BSN: variants seen among roughly 807,000 people sequenced by gnomAD.
The protein encoded by BSN is protein bassoon.
A neutral mutation model predicts 264.8 loss-of-function variants in BSN; 57 were observed. The ratio of observed to expected loss-of-function variants is 0.22; its 90% CI spans 0.17 to 0.27. BSN has a LOEUF of 0.27. Among genes scored for constraint, BSN ranks in the 10% least tolerant of loss-of-function variants. The pLI, the probability that BSN is intolerant of heterozygous loss-of-function variation, is 1.00. For missense variants in BSN, 4,615 were observed against 5,232.5 expected, an observed-to-expected ratio of 0.88 and a Z score of 3.64; for synonymous variants, 2,059 against 2,137.3, an observed-to-expected ratio of 0.96 and a Z score of 1.01.
chr3:49,652,470 G>A lies in BSN; in HGVS notation c.2914G>A (p.Glu972Lys). 2 of 1,613,824 alleles carry A rather than the reference G, an allele frequency of 1.2e-6. No homozygotes were observed. The highest frequency in any genetic ancestry group is 1.7e-6 in the Non-Finnish European group (2 of 1,180,002). ...LEMESLTGSP[E>K]DRSRGEHSST... ...GATGGAGAGCCTAACGGGCTCCCCT[G>A]AGGACCGCTCCCGTGGTGAGCACTC... The change falls in exon 5 of 12, where the codon GAG becomes AAG. Residue 972 changes from glutamate to lysine, a missense_variant. Physicochemically the swap from Glu to Lys is moderately conservative, Grantham distance 56 (BLOSUM62 1). Coordinates refer to ENST00000296452, the MANE Select transcript of BSN (RefSeq NM_003458.4).
At chr3:49,588,688 G>T (rs561934726) in intron 1 of BSN, among the ~76,000 whole-genome samples, 2 of 152,190 alleles carry the variant, frequency 1.3e-5, no homozygotes, top group Admixed American at 1.3e-4. Context: ...TCTGACCCAT[G>T]AGTTATTTAG....
At position 49,661,980 on chromosome 3, in the gene BSN, A is replaced by G. The variant is rs1241033140; in HGVS notation, c.10135A>G (p.Lys3379Glu). The G allele has an allele frequency of 1.9e-6, 3 of 1,613,894 alleles. No individual in the cohort carries two copies. Among genetic ancestry groups the G allele is most frequent in the South Asian group, 1.1e-5 (1 of 91,088 alleles). The change falls in exon 6 of 12, where the codon AAA becomes GAA. Residue 3379 changes from lysine to glutamate, a missense_variant. By Grantham distance (56) the Lys-to-Glu change is moderately conservative. Coordinates refer to ENST00000296452, the MANE Select transcript of BSN (RefSeq NM_003458.4). ...CAAGTTCTCGCCTATTGAAGAGGCC[A>G]AAGACGTAGAGTCAGACCTGGCGTC... is the stretch of plus-strand genomic sequence containing the variant. ...ISKFSPIEEA[K>E]DVESDLASYP... is the part of the protein sequence containing the mutation.
At chr3:49,557,226 T>C (rs2051680118) in intron 1 of BSN, among the ~76,000 whole-genome samples, 1 of 152,178 alleles carries the variant, frequency 6.6e-6, no homozygotes, top group African/African-American at 2.4e-5. Flanking sequence ...TGTACAATTA[T>C]ATAATCTGTG....
chr3:49,567,330 G>T (rs1410042610), intron 1 of BSN, among the ~76,000 whole-genome samples: 2 of 152,122 alleles, frequency 1.3e-5, no homozygotes, highest in Admixed American at 1.3e-4. Flanking sequence ...CCTTTAATTT[G>T]TAAGGATTAC....
chr3:49,614,603 C>T (rs191958813), intron 1 of BSN, among the ~76,000 whole-genome samples: 1 of 152,196 alleles, frequency 6.6e-6, no homozygotes, highest in Non-Finnish European at 1.5e-5. Context: ...ATGGATGTCA[C>T]TTGAGGCAGG....
chr3:49,664,073 C>T (rs2052690596), intron 8 of BSN, among the ~76,000 whole-genome samples, 187 bp downstream of exon 8: 1 of 152,214 alleles, frequency 6.6e-6, no homozygotes, highest in African/African-American at 2.4e-5. Context: ...ATGAGGTCAC[C>T]AGCACAGGGG....
At position 49,656,884 on chromosome 3, in the gene BSN, A is replaced by C; in HGVS notation, c.7328A>C (p.Glu2443Ala). The C allele has an allele frequency of 6.2e-7, 1 of 1,601,718 alleles. No homozygotes were observed. Among genetic ancestry groups the C allele is most frequent in the Non-Finnish European group, 8.5e-7 (1 of 1,174,396 alleles). ...CAGGCTCAATTTGCACTGCAGCGGGAACAGCTAGCGCAGCAGCGTCTGCAG... is the reference window on the plus strand; with the variant it reads ...CAGGCTCAATTTGCACTGCAGCGGGCACAGCTAGCGCAGCAGCGTCTGCAG... The part of the protein sequence containing the change: ...ERQAQFALQR[E>A]QLAQQRLQLE... Residue 2443 changes from glutamate (E) to alanine (A), a missense_variant, in exon 5 of 12, where the codon GAA becomes GCA. Glu to Ala is a moderately radical substitution (Grantham distance 107, BLOSUM62 -1). This residue lies in a region of BSN where 3,415 missense variants were observed against 3,866.4 expected (regional missense o/e 0.88). Transcript: ENST00000296452.
At position 49,625,489 on chromosome 3, in the gene BSN, T is replaced by C; in HGVS notation, c.633+106T>C. ...AACTCTCTTTTCCTGGTCATTTCCC[T>C]TGACCACCAGCATTTGTGTCCTCCT... On this transcript the variant is annotated intron_variant, in intron 2 of 11. Transcript: ENST00000296452. The surrounding 1 kb of genome is among the most constrained non-coding windows in gnomAD (Gnocchi z 4.4). The C allele has an allele frequency of 8.7e-7, 1 of 1,149,358 alleles. No individual in the cohort carries two copies. Among genetic ancestry groups the C allele is most frequent in the Non-Finnish European group, 1.1e-6 (1 of 870,748 alleles). The allele number at this position is 1,149,358 out of a possible 1,614,324, so 71.2% of individuals were successfully genotyped here.
rs1168549420 is a variant in BSN at position 49,653,612 on chromosome 3, C to T, written c.4056C>T (p.Asp1352=). The T allele has an allele frequency of 6.2e-7, 1 of 1,613,662 alleles. No homozygotes were observed. The highest frequency in any genetic ancestry group is 1.3e-5 in the African/African-American group (1 of 74,856). The change falls in exon 5 of 12, where the codon GAC becomes GAT. Residue 1352 remains aspartate (D), a synonymous_variant. Coordinates refer to ENST00000296452, the MANE Select transcript of BSN (RefSeq NM_003458.4). The surrounding 1 kb of genome is among the most constrained non-coding windows in gnomAD (Gnocchi z 6.3). ...AGCATTTTGCAAAGGAGACTCAGGA[C>T]CCCCTCAAGCTGCACAGCTCTCCTG... ...VTQHFAKETQ[D]PLKLHSSPAS...
In BSN at chr3:49,575,470, A is replaced by G. The variant is rs371916438; in HGVS notation, c.224+20644A>G. Among the ~76,000 whole-genome samples the G allele has an allele frequency of 6.7e-4, 98 of 147,208 alleles. 3 individuals are homozygous for G. The South Asian group carries it at 0.014, about 22-fold the overall frequency. ...TGTGTGTATATATGTAAATATATAT[A>G]TGTGTATATATGTAAATATATATGT... On this transcript the variant is annotated intron_variant, in intron 1 of 11. Coordinates refer to ENST00000296452, the MANE Select transcript of BSN (RefSeq NM_003458.4).
Position 49,662,230 on chromosome 3 carries a change from G to A in BSN, c.10385G>A (p.Trp3462Ter). 6.2e-7 allele frequency: 1 copy of A among 1,613,832 alleles called. No individual in the cohort carries two copies. Among genetic ancestry groups the A allele is most frequent in the Non-Finnish European group, 8.5e-7 (1 of 1,179,934 alleles). ...CTGTCCAGCCACGACTTCAGTGGCT[G>A]GGGCAAGGGGTACGAAAGGGAACGG... ...EKLSSHDFSG[W>*]GKGYEREREA... Residue 3462 changes from tryptophan to a stop codon, truncating the protein, a stop_gained, in exon 6 of 12, where the codon TGG (tryptophan) becomes TAG (stop). Transcript: ENST00000296452. LOFTEE classifies it high-confidence loss of function.
chr3:49,658,096 A>G lies in BSN; in HGVS notation c.8540A>G (p.Gln2847Arg). 1.2e-6 allele frequency: 2 copies of G among 1,613,258 alleles called. 1 individual carries two copies. Among genetic ancestry groups the G allele is most frequent in the South Asian group, 2.2e-5 (2 of 91,072 alleles). Residue 2847 changes from glutamine to arginine, a missense_variant, in exon 5 of 12, where the codon CAG (glutamine) becomes CGG (arginine). Physicochemically the swap from Gln to Arg is conservative, Grantham distance 43. Transcript: ENST00000296452. ...CTGCCTCGCCCCATGAAGACCCTGC[A>G]GCGGTCCCTGTCTGACCCTAAGCCC... ...QTLPRPMKTL[Q>R]RSLSDPKPLS...
chr3:49,653,270 C>T lies in BSN; in HGVS notation c.3714C>T (p.Gly1238=), dbSNP rs1415662393. The T allele has an allele frequency of 1.2e-6, 2 of 1,611,876 alleles. No individual in the cohort carries two copies. Among genetic ancestry groups the T allele is most frequent in the Admixed American group, 3.3e-5 (2 of 59,938 alleles). The change falls in exon 5 of 12, where the codon GGC becomes GGT. Residue 1238 remains glycine (G), a synonymous_variant. Transcript: ENST00000296452. This position sits in a 1 kb window ranked among gnomAD's most constrained non-coding sequence, Gnocchi z 6.3. ...AAGACACTACAGACCGTGAGTATGG[C>T]CAGGCTGCTCAGCCTGCCGCAGAGG... ...EYQDTTDREY[G]QAAQPAAEGT...
chr3:49,616,259 G>C (rs1373974994), intron 1 of BSN, among the ~76,000 whole-genome samples: 2 of 152,152 alleles, frequency 1.3e-5, no homozygotes, highest in African/African-American at 4.8e-5. Flanking sequence ...AGAAGCTCTA[G>C]GACACTGGAC....
At chr3:49,628,892 C>G (rs1309527952) in intron 2 of BSN, among the ~76,000 whole-genome samples, 1 of 152,146 alleles carries the variant, frequency 6.6e-6, no homozygotes, top group African/African-American at 2.4e-5. Context: ...AGGGCAGTCC[C>G]AGATACTCTT....
intron 1 of BSN, among the ~76,000 whole-genome samples, chr3:49,570,350 C>T (rs1054546300): frequency 1.3e-5 from 2 of 152,166 alleles, no homozygotes; most frequent in African/African-American, 4.8e-5. Context: ...TCCCAACAGA[C>T]CCGGTTTGCC....
intron 1 of BSN, among the ~76,000 whole-genome samples, chr3:49,597,405 C>A (rs2052032276): frequency 6.6e-6 from 1 of 152,144 alleles, no homozygotes; most frequent in Admixed American, 6.6e-5. Context: ...ACAGCCTCGA[C>A]TTCCCAGGCT....
intron 1 of BSN, among the ~76,000 whole-genome samples, chr3:49,605,328 T>C (rs2052104977): frequency 1.1e-5 from 1 of 92,356 alleles, no homozygotes; most frequent in Non-Finnish European, 2.0e-5. Context: ...TATATATATT[T>C]ATAAATATAT....
intron 1 of BSN, among the ~76,000 whole-genome samples, chr3:49,572,427 A>G (rs546826425): frequency 6.6e-6 from 1 of 152,278 alleles, no homozygotes; most frequent in South Asian, 2.1e-4. Context: ...TCAGGTCGAA[A>G]GTGGGTGATA....
Sources: allele counts gnomAD v4.1 joint callset (sites outside exome capture counted in the v4.1 genomes callset), GRCh38; gene constraint gnomAD v4.1.1; regional missense constraint gnomAD v4.1.1; non-coding constraint Gnocchi (gnomAD v3.1); transcripts MANE v1.5; gene names NCBI Gene and HGNC (gene_info 2026-07-23, HGNC 2026-07-21).